The following EYA2 variants were observed in gnomAD, a reference collection of about 807,000 sequenced individuals.
EYA2 encodes protein phosphatase EYA2.
EYA2 carries 31 observed loss-of-function variants against 69.2 expected under a neutral mutation model. That is an observed-to-expected ratio of 0.45 (90% CI 0.34 to 0.60). EYA2 has a LOEUF of 0.60. Among genes scored for constraint, EYA2 ranks in the 20% least tolerant of loss-of-function variants. The probability of loss-of-function intolerance (pLI) is 0.02; values close to 1 mark genes in which losing one functional copy is unlikely to be tolerated. For synonymous variants in EYA2, 257 were observed against 279.4 expected (o/e 0.92, Z 0.80); for missense variants, 622 against 701.2 (o/e 0.89, Z 1.28).
intron 7 of EYA2, among the ~76,000 whole-genome samples, chr20:47,084,171 A>G (rs949824028): frequency 6.6e-5 from 10 of 152,218 alleles, no homozygotes; most frequent in East Asian, 1.9e-4. Context: ...GCTTGAACCC[A>G]GGAGGCGGAG....
chr20:47,040,609 C>T (rs1985004449), intron 5 of EYA2, among the ~76,000 whole-genome samples: 2 of 152,218 alleles, frequency 1.3e-5, no homozygotes, highest in South Asian at 4.1e-4. Context: ...AAAATAACAA[C>T]CATACAGCAG....
intron 10 of EYA2, among the ~76,000 whole-genome samples, chr20:47,150,209 C>A (rs1440728770): frequency 2.0e-5 from 3 of 152,206 alleles, no homozygotes; most frequent in African/African-American, 7.2e-5. Flanking sequence ...ATTCTCTGGT[C>A]CTGGCCCCTG....
At chr20:46,913,723 A>G (rs945146153) in intron 1 of EYA2, among the ~76,000 whole-genome samples, 6 of 152,124 alleles carry the variant, frequency 3.9e-5, no homozygotes, top group African/African-American at 1.2e-4. Context: ...TGAAGAGAGG[A>G]GTCCAAGGTG....
chr20:47,184,176 T>C (rs528915309), intron 15 of EYA2, among the ~76,000 whole-genome samples: 90 of 152,270 alleles, frequency 5.9e-4, no homozygotes, highest in Non-Finnish European at 1.2e-3. Context: ...ATGTAGTCTC[T>C]ATTATCCGCC....
At chr20:46,952,728 G>A (rs1452580680) in intron 1 of EYA2, among the ~76,000 whole-genome samples, 1 of 152,206 alleles carries the variant, frequency 6.6e-6, no homozygotes, top group African/African-American at 2.4e-5. Context: ...TGAGGCCTGC[G>A]AGTTCAGCCC....
chr20:47,074,387 AT>A (rs2031433710), intron 7 of EYA2, 52 bp downstream of exon 7: 1 of 1,578,134 alleles, frequency 6.3e-7, no homozygotes, highest in African/African-American at 1.3e-5. Flanking sequence ...GAGAGCTTCT[AT>A]GAAGGAGGGA....
chr20:46,958,277 A>G (rs1979256596), intron 1 of EYA2, among the ~76,000 whole-genome samples: 1 of 152,152 alleles, frequency 6.6e-6, no homozygotes, highest in African/African-American at 2.4e-5. Context: ...CATTCCCCAC[A>G]GGCTCTCCTG....
At position 47,130,486 on chromosome 20, in the gene EYA2, C is replaced by T. The variant is rs919112912; in HGVS notation, c.889-12573C>T. 3.3e-5 allele frequency among the ~76,000 whole-genome samples: 5 copies of T among 151,680 alleles called. No individual in the cohort carries two copies. In the East Asian group the frequency reaches 7.8e-4, roughly 24 times the overall value. ...TTCACCATGTCAGCCAGGATGGTCT[C>T]GATCTCCTGACCTCGTGATCCACCC... On this transcript the variant is annotated intron_variant, in intron 9 of 15. Coordinates refer to ENST00000327619, the MANE Select transcript of EYA2 (RefSeq NM_005244.5).
At chr20:47,148,077 TA>T (rs1213535893) in intron 10 of EYA2, among the ~76,000 whole-genome samples, 4 of 141,620 alleles carry the variant, frequency 2.8e-5, no homozygotes, top group Non-Finnish European at 3.1e-5. Context: ...AAAAAAAGAA[TA>T]AAAAAAAATG....
intron 7 of EYA2, among the ~76,000 whole-genome samples, chr20:47,079,795 TAA>T (rs34042014): frequency 3.4e-5 from 5 of 146,132 alleles, no homozygotes; most frequent in African/African-American, 2.5e-5. Context: ...TGTGATAGGT[TAA>T]AAAAAAAAAG....
At chr20:47,058,331 A>G (rs975815311) in intron 5 of EYA2, among the ~76,000 whole-genome samples, 4 of 152,248 alleles carry the variant, frequency 2.6e-5, no homozygotes, top group East Asian at 3.8e-4. Context: ...GGAACCACCT[A>G]TGGACGGGGC....
chr20:47,045,503 T>C (rs1312575875), intron 5 of EYA2, among the ~76,000 whole-genome samples: 2 of 152,090 alleles, frequency 1.3e-5, no homozygotes, highest in African/African-American at 4.8e-5. Context: ...ATCAGAAGAG[T>C]TCTTGACAGC....
chr20:47,148,322 A>C (rs1433198346), intron 10 of EYA2, among the ~76,000 whole-genome samples: 1 of 152,182 alleles, frequency 6.6e-6, no homozygotes, highest in Non-Finnish European at 1.5e-5. Flanking sequence ...GCTATGTGAA[A>C]GCAGTCAGCA....
chr20:47,179,242 G>A (rs1465849379), intron 12 of EYA2, among the ~76,000 whole-genome samples: 2 of 147,610 alleles, frequency 1.4e-5, no homozygotes, highest in African/African-American at 2.5e-5. Flanking sequence ...GGGTGGTTGG[G>A]TGGATAGGTG....
At chr20:46,906,492 T>C (rs1984364944) in intron 1 of EYA2, among the ~76,000 whole-genome samples, 1 of 152,218 alleles carries the variant, frequency 6.6e-6, no homozygotes, top group South Asian at 2.1e-4. Flanking sequence ...GCACATCTAG[T>C]CTGTGTCTTG....
intron 10 of EYA2, among the ~76,000 whole-genome samples, chr20:47,155,804 T>C (rs2033910853): frequency 6.6e-6 from 1 of 151,570 alleles, no homozygotes; most frequent in Non-Finnish European, 1.5e-5. Context: ...TCTGCTAATG[T>C]CTATCTTTCA....
chr20:47,057,747 G>A (rs1424625772), intron 5 of EYA2, among the ~76,000 whole-genome samples: 2 of 152,164 alleles, frequency 1.3e-5, no homozygotes, highest in Non-Finnish European at 2.9e-5. Flanking sequence ...TTGCACTGCC[G>A]GGGCTGGCAT....
intron 10 of EYA2, among the ~76,000 whole-genome samples, chr20:47,150,219 G>A (rs954032503): frequency 6.6e-6 from 1 of 152,152 alleles, no homozygotes; most frequent in Non-Finnish European, 1.5e-5. Flanking sequence ...CCTGGCCCCT[G>A]TCCGCTTCTC....
intron 9 of EYA2, among the ~76,000 whole-genome samples, chr20:47,112,862 CTTTTTTTTTTTTTTT>C (rs11473217): frequency 1.8e-3 from 99 of 55,836 alleles, no homozygotes; most frequent in Non-Finnish European, 3.0e-3. Flanking sequence ...ATGTTCACTC[CTTTTTTTTTTTTTTT>C]TTTTTTTTTT....
Sources: allele counts gnomAD v4.1 joint callset (sites outside exome capture counted in the v4.1 genomes callset), GRCh38; gene constraint gnomAD v4.1.1; transcripts MANE v1.5; gene names NCBI Gene and HGNC (gene_info 2026-07-23, HGNC 2026-07-21).